The following ZFP62 variants were observed in gnomAD, a reference collection of about 807,000 sequenced individuals.
The protein encoded by ZFP62 is ZFP62 zinc finger protein.
A neutral mutation model predicts 56.4 loss-of-function variants in ZFP62; 44 were observed. That is an observed-to-expected ratio of 0.78 (90% CI 0.61 to 1.00). The LOEUF is 1.00. ZFP62 is among the 50% of genes least tolerant of loss of function. The pLI is 0.00. For missense variants in ZFP62, 1,030 were observed against 1,085.7 expected (o/e 0.95, Z 0.72); for synonymous variants, 421 against 388.9 (o/e 1.08, Z -0.97).
At position 180,849,378 on chromosome 5, in the gene ZFP62, C is replaced by T. The variant is rs746821111; in HGVS notation, c.2117G>A (p.Cys706Tyr). 3.2e-5 allele frequency: 50 copies of T among 1,551,042 alleles called. No homozygotes were observed. The highest frequency in any genetic ancestry group is 4.3e-5 in the Non-Finnish European group (49 of 1,146,662). Residue 706 changes from cysteine (C) to tyrosine (Y), a missense_variant, in exon 2 of 2, where the codon TGT (cysteine) becomes TAT (tyrosine). Cys to Tyr is a radical substitution (Grantham distance 194). Coordinates refer to ENST00000502412, the MANE Select transcript of ZFP62 (RefSeq NM_001172638.2). ...PGRTPHTCDE[C>Y]GKAFFSSRTL... ...TCTGCTTGAGAAAAAAGCTTTTCCA[C>T]ATTCATCACATGTATGGGGTGTCCT...
Position 180,848,110 on chromosome 5 carries a change from A to G in ZFP62, c.*682T>C, listed in dbSNP as rs995223284. 11 of 985,336 alleles carry G rather than the reference A, an allele frequency of 1.1e-5. No individual in the cohort carries two copies. The highest frequency in any genetic ancestry group is 1.3e-5 in the Non-Finnish European group (11 of 829,946). The allele number at this position is 985,336 out of a possible 1,614,324, so 61.0% of individuals were successfully genotyped here. A position where few individuals can be genotyped will look rare whatever the true frequency, so the allele number is the denominator to read the frequency against. ...TTAAAAAAGTTTCATCCATTCAACT[A>G]ATGTATCACAATAGTACGTTCATCA... On this transcript the variant is annotated 3_prime_UTR_variant, in exon 2 of 2. Coordinates refer to ENST00000502412, the MANE Select transcript of ZFP62 (RefSeq NM_001172638.2).
intron 1 of ZFP62, among the ~76,000 whole-genome samples, chr5:180,859,701 T>C (rs1173971227): frequency 2.6e-5 from 4 of 152,184 alleles, no homozygotes; most frequent in Non-Finnish European, 1.5e-5. Context: ...ATTGACACAA[T>C]TAGTCTATTA....
downstream of ZFP62, among the ~76,000 whole-genome samples, chr5:180,844,343 G>C (rs1773370701): frequency 2.0e-5 from 3 of 152,282 alleles, no homozygotes; most frequent in South Asian, 6.2e-4. Flanking sequence ...ATGGAATATG[G>C]CCCCATGGTT....
chr5:180,845,636 G>A, downstream of ZFP62: 2 of 849,488 alleles, frequency 2.4e-6, no homozygotes, highest in Non-Finnish European at 2.8e-6. Context: ...GCCTTTAGCT[G>A]AAGCTGGAGA....
chr5:180,837,400 G>A, the ZFP62 span, among the ~76,000 whole-genome samples: 4 of 152,212 alleles, frequency 2.6e-5, no homozygotes, highest in Non-Finnish European at 5.9e-5. Context: ...GCTTTGAGCT[G>A]TAAGGCTTGA....
Position 180,850,573 on chromosome 5 carries a change from G to A in ZFP62, c.922C>T (p.Pro308Ser), listed in dbSNP as rs1773640411. 6.4e-7 allele frequency: 1 copy of A among 1,559,284 alleles called. No homozygotes were observed. The stretch of plus-strand genomic sequence containing the variant: ...TTCCCACACTCATCACATTCGTAAG[G>A]TTTCTCACCTGTGTGGATCCTTTTA... ...VHKRIHTGEK[P>S]YECDECGKAF... is the part of the protein sequence containing the mutation. Residue 308 changes from proline (P) to serine (S), a missense_variant, in exon 2 of 2, where the codon CCT becomes TCT. Transcript: ENST00000502412.
the ZFP62 span, among the ~76,000 whole-genome samples, chr5:180,836,102 C>T: frequency 1.3e-5 from 2 of 152,238 alleles, no homozygotes; most frequent in Non-Finnish European, 2.9e-5. Context: ...TAGGCCATGC[C>T]GTGCAGCCTA....
chr5:180,858,607 C>CA (rs202148671), intron 1 of ZFP62, among the ~76,000 whole-genome samples: 24 of 149,836 alleles, frequency 1.6e-4, no homozygotes, highest in African/African-American at 1.7e-4. Flanking sequence ...GACTCTGTCT[C>CA]AAAAAAAAAG....
Position 180,851,050 on chromosome 5 carries a change from A to G in ZFP62, c.445T>C (p.Ser149Pro), listed in dbSNP as rs1386295593. 5 of 1,551,600 alleles carry G rather than the reference A, an allele frequency of 3.2e-6. No individual in the cohort carries two copies. Among genetic ancestry groups the G allele is most frequent in the Non-Finnish European group, 4.4e-6 (5 of 1,147,006 alleles). ...KLHKCDECGK[S>P]FKYNSRLVQH... ...ACAAGGCGGGAATTATATTTGAAGG[A>G]TTTCCCACATTCATCACATTTATGT... Residue 149 changes from serine (S) to proline (P), a missense_variant, in exon 2 of 2, where the codon TCC becomes CCC. Coordinates refer to ENST00000502412, the MANE Select transcript of ZFP62 (RefSeq NM_001172638.2).
At chr5:180,836,837 C>G in the ZFP62 span, among the ~76,000 whole-genome samples, 2 of 152,220 alleles carry the variant, frequency 1.3e-5, no homozygotes, top group Non-Finnish European at 2.9e-5. Context: ...TAAGTAGGGA[C>G]TGCCACAGCA....
chr5:180,859,489 C>T (rs553039383), intron 1 of ZFP62, among the ~76,000 whole-genome samples: 22 of 152,264 alleles, frequency 1.4e-4, no homozygotes, highest in East Asian at 7.7e-4. Context: ...ATATGATTAA[C>T]GTGAGTTGGT....
chr5:180,829,800 CAT>C, the ZFP62 span, among the ~76,000 whole-genome samples: 1 of 152,130 alleles, frequency 6.6e-6, no homozygotes, highest in Non-Finnish European at 1.5e-5. Flanking sequence ...AAGCCCCGGC[CAT>C]AGTCTTTCTG....
At chr5:180,826,973 C>T in the ZFP62 span, among the ~76,000 whole-genome samples, 1 of 152,164 alleles carries the variant, frequency 6.6e-6, no homozygotes, top group African/African-American at 2.4e-5. Flanking sequence ...AATGGTCTTC[C>T]ATAAATTGAG....
rs1393833547 is a variant in ZFP62 at position 180,848,722 on chromosome 5, C to G, written c.*70G>C. 1.2e-5 allele frequency: 17 copies of G among 1,449,822 alleles called. No homozygotes were observed. The highest frequency in any genetic ancestry group is 1.5e-5 in the Non-Finnish European group (17 of 1,098,308). The allele number at this position is 1,449,822 out of a possible 1,614,324, so 89.8% of individuals were successfully genotyped here. On this transcript the variant is annotated 3_prime_UTR_variant, in exon 2 of 2. Transcript: ENST00000502412. ...CACTGTGTAAATTACAAGCCATGAC[C>G]CCCTACATTCTTACATTCATAAGGT...
chr5:180,836,498 T>C, the ZFP62 span, among the ~76,000 whole-genome samples: 2 of 152,212 alleles, frequency 1.3e-5, no homozygotes, highest in African/African-American at 2.4e-5. Context: ...AGGACAAGTC[T>C]TTGCATTCAG....
the ZFP62 span, among the ~76,000 whole-genome samples, chr5:180,833,478 CAAA>C: frequency 1.8e-4 from 14 of 76,722 alleles, no homozygotes; most frequent in Admixed American, 4.8e-4. Flanking sequence ...AACTCTGTCT[CAAA>C]AAAAAAAAAA....
At chr5:180,838,621 G>T in the ZFP62 span, among the ~76,000 whole-genome samples, 1 of 152,114 alleles carries the variant, frequency 6.6e-6, no homozygotes, top group South Asian at 2.1e-4. Flanking sequence ...GAGGTGATGG[G>T]GCATCATATC....
At chr5:180,857,988 C>T (rs939225081) in intron 1 of ZFP62, among the ~76,000 whole-genome samples, 5 of 151,458 alleles carry the variant, frequency 3.3e-5, no homozygotes, top group African/African-American at 1.2e-4. Flanking sequence ...TACAGTGGCT[C>T]ACGCCTATAA....
At chr5:180,857,981 A>G (rs1458876218) in intron 1 of ZFP62, among the ~76,000 whole-genome samples, 1 of 151,748 alleles carries the variant, frequency 6.6e-6, no homozygotes, top group Non-Finnish European at 1.5e-5. Context: ...GGCCGGGTAC[A>G]GTGGCTCACG....
Sources: allele counts gnomAD v4.1 joint callset (sites outside exome capture counted in the v4.1 genomes callset), GRCh38; gene constraint gnomAD v4.1.1; transcripts MANE v1.5; gene names NCBI Gene and HGNC (gene_info 2026-07-23, HGNC 2026-07-21).